Variants in ABLIM2 observed in about 807,000 individuals in gnomAD.
The protein encoded by ABLIM2 is actin-binding LIM protein 2.
In ABLIM2, 53 loss-of-function variants were observed where a neutral mutation model predicts 97.7. The ratio of observed to expected loss-of-function variants is 0.54; its 90% CI spans 0.44 to 0.68. The LOEUF is 0.68. Among genes scored for constraint, ABLIM2 ranks in the 30% least tolerant of loss-of-function variants. The probability of loss-of-function intolerance (pLI) is 0.00; values close to 1 mark genes in which losing one functional copy is unlikely to be tolerated. For missense variants in ABLIM2, 835 were observed against 867.2 expected, an observed-to-expected ratio of 0.96 and a Z score of 0.47; for synonymous variants, 361 against 345.8, an observed-to-expected ratio of 1.04 and a Z score of -0.49.
At chr4:8,051,016 C>T (rs913476971) in intron 8 of ABLIM2, among the ~76,000 whole-genome samples, 2 of 152,268 alleles carry the variant, frequency 1.3e-5, no homozygotes, top group Non-Finnish European at 2.9e-5. Context: ...GTGACCCCTG[C>T]CCGCTAGGCC....
rs1849180753 is a variant in ABLIM2 at position 8,130,309 on chromosome 4, C to CTT, written c.11-23673_11-23672insAA. Among the ~76,000 whole-genome samples, 3 of 152,200 alleles carry CTT rather than the reference C, an allele frequency of 2.0e-5. No homozygotes were observed. The highest frequency in any genetic ancestry group is 4.4e-5 in the Non-Finnish European group (3 of 68,034). On this transcript the variant is annotated intron_variant, in intron 1 of 20. Transcript: ENST00000447017. The surrounding 1 kb of genome is among the most constrained non-coding windows in gnomAD (Gnocchi z 4.2). The stretch of plus-strand genomic sequence containing the variant: ...GGATGGCCCATGCTGGGAAACATCA[C>CTT]GTTGCTTTGAGGCCATCATCTTAAG...
chr4:8,093,516 T>C (rs148362434), intron 3 of ABLIM2, among the ~76,000 whole-genome samples: 1 of 152,370 alleles, frequency 6.6e-6, no homozygotes, highest in East Asian at 1.9e-4. Flanking sequence ...GCTTTTAGCA[T>C]ATTCAGAGTT....
intron 2 of ABLIM2, among the ~76,000 whole-genome samples, chr4:8,101,079 G>A (rs557845946): frequency 1.3e-4 from 20 of 152,330 alleles, no homozygotes; most frequent in African/African-American, 4.3e-4. Context: ...CTGTCCACCC[G>A]CTGCTATTTT....
At position 8,145,745 on chromosome 4, in the gene ABLIM2, TACACACACACACACACACAC is replaced by T. The variant is rs34195989; in HGVS notation, c.10+12915_10+12934del. On this transcript the variant is annotated intron_variant, in intron 1 of 20. Transcript: ENST00000447017. ...AAATTATCCCCAGACTACACACTCATACACACACACACACACACACACACACACACACACACACACACACG... is the reference window on the plus strand; with the variant it reads ...AAATTATCCCCAGACTACACACTCATACACACACACACACACACACACACG... Among the ~76,000 whole-genome samples, 205 of 138,680 alleles carry T rather than the reference TACACACACACACACACACAC, an allele frequency of 1.5e-3. 1 individual carries two copies. Among genetic ancestry groups the T allele is most frequent in the African/African-American group, 5.1e-3 (192 of 37,468 alleles). 91.0% of individuals were successfully genotyped at this position (138,680 alleles called of 152,430 possible).
At chr4:7,980,633 T>G (rs1236208110) in intron 20 of ABLIM2, among the ~76,000 whole-genome samples, 1 of 151,504 alleles carries the variant, frequency 6.6e-6, no homozygotes, top group Non-Finnish European at 1.5e-5. Context: ...AAGAATCACT[T>G]GAGTCTGGGA....
chr4:8,069,356 C>T lies in ABLIM2; in HGVS notation c.675+8272G>A, dbSNP rs1225128771. 2.6e-5 allele frequency among the ~76,000 whole-genome samples: 4 copies of T among 152,228 alleles called. No individual in the cohort carries two copies. The highest frequency in any genetic ancestry group is 4.8e-5 in the African/African-American group (2 of 41,460). ...TTTGGGAAAGGCTAGGGCAGAATCCCGCCTGTGGATGTTCACACGCACTGC... is the reference window on the plus strand; with the variant it reads ...TTTGGGAAAGGCTAGGGCAGAATCCTGCCTGTGGATGTTCACACGCACTGC... On this transcript the variant is annotated intron_variant, in intron 6 of 20. Transcript: ENST00000447017. The surrounding 1 kb of genome is among the most constrained non-coding windows in gnomAD (Gnocchi z 4.2).
Position 7,983,301 on chromosome 4 carries a change from A to G in ABLIM2, c.1787T>C (p.Val596Ala), listed in dbSNP as rs374407006. Residue 596 changes from valine to alanine, a missense_variant, in exon 20 of 21, where the codon GTG becomes GCG. Val to Ala is a moderately conservative substitution (Grantham distance 64). Coordinates refer to ENST00000447017, the MANE Select transcript of ABLIM2 (RefSeq NM_001130083.2). ...DSLIVTNRIRVKLPKDVDRTR... is the reference protein window; with the variant it reads ...DSLIVTNRIRAKLPKDVDRTR... ...CCGGTCCACGTCTTTGGGCAGTTTC[A>G]CGCGAATTCGGTTTGTGACGATGAG... The G allele has an allele frequency of 6.8e-6, 11 of 1,612,466 alleles. No individual in the cohort carries two copies. Among genetic ancestry groups the G allele is most frequent in the African/African-American group, 1.3e-5 (1 of 74,876 alleles).
intron 20 of ABLIM2, among the ~76,000 whole-genome samples, chr4:7,980,185 C>A (rs1736866741): frequency 6.6e-6 from 1 of 152,136 alleles, no homozygotes; most frequent in African/African-American, 2.4e-5. Context: ...ACCTACAAAC[C>A]TAGTTCAGGC....
chr4:8,077,757 T>C, intron 5 of ABLIM2, 36 bp from the exon 6 acceptor site: 1 of 1,567,994 alleles, frequency 6.4e-7, no homozygotes. Context: ...AGGGCGGGTG[T>C]CGCCCGAGGA....
chr4:8,036,924 A>G (rs1386288872), intron 9 of ABLIM2, among the ~76,000 whole-genome samples: 1 of 152,084 alleles, frequency 6.6e-6, no homozygotes, highest in Non-Finnish European at 1.5e-5. Flanking sequence ...GATTGGCCCC[A>G]GGACCCTCCT....
intron 5 of ABLIM2, among the ~76,000 whole-genome samples, chr4:8,080,133 G>A (rs916926214): frequency 2.0e-5 from 3 of 152,230 alleles, no homozygotes; most frequent in Non-Finnish European, 2.9e-5. Flanking sequence ...CAGTGTGACT[G>A]CACATTTGTG....
intron 16 of ABLIM2, among the ~76,000 whole-genome samples, chr4:7,997,671 C>T (rs1245108922): frequency 1.3e-5 from 2 of 152,150 alleles, no homozygotes; most frequent in Non-Finnish European, 2.9e-5. Flanking sequence ...GTTCTAGACT[C>T]CAGGCCCGGG....
rs942248141 is a variant in ABLIM2, at chr4:8,044,058, G to T, written c.900+1106C>A. Among the ~76,000 whole-genome samples the T allele has an allele frequency of 1.3e-5, 2 of 152,214 alleles. No individual in the cohort carries two copies. Among genetic ancestry groups the T allele is most frequent in the Non-Finnish European group, 2.9e-5 (2 of 68,032 alleles). On this transcript the variant is annotated intron_variant, in intron 9 of 20. Transcript: ENST00000447017. This position sits in a 1 kb window ranked among gnomAD's most constrained non-coding sequence, Gnocchi z 4.4. ...GACTCGTGCACCCCTCAGTGGCACT[G>T]TCAGGATTAAGGTCAGGAAGGACCC...
chr4:8,077,492 A>C, intron 6 of ABLIM2, 136 bp downstream of exon 6: 2 of 856,514 alleles, frequency 2.3e-6, no homozygotes, highest in Non-Finnish European at 3.6e-6. Context: ...CCATTGGCTG[A>C]GCTGGCAGGA....
rs917808822 is a variant in ABLIM2 at position 8,003,039 on chromosome 4, C to A, written c.1618+5020G>T. Among the ~76,000 whole-genome samples, 2 of 152,200 alleles carry A rather than the reference C, an allele frequency of 1.3e-5. No homozygotes were observed. The highest frequency in any genetic ancestry group is 4.8e-5 in the African/African-American group (2 of 41,450). The stretch of plus-strand genomic sequence containing the variant: ...CCTAGTAGAATGTCGGCTCCCCAGA[C>A]AGGGAACTTTGTCTGTTTTGGCCTC... On this transcript the variant is annotated intron_variant, in intron 16 of 20. Transcript: ENST00000447017. This position sits in a 1 kb window ranked among gnomAD's most constrained non-coding sequence, Gnocchi z 4.2.
At chr4:7,980,454 C>T (rs1737116044) in intron 20 of ABLIM2, among the ~76,000 whole-genome samples, 1 of 152,130 alleles carries the variant, frequency 6.6e-6, no homozygotes, top group Non-Finnish European at 1.5e-5. Context: ...GTGGCTCACA[C>T]CTGTAATCCC....
At chr4:8,077,423 A>G (rs1216296637) in intron 6 of ABLIM2, among the ~76,000 whole-genome samples, 1 of 152,238 alleles carries the variant, frequency 6.6e-6, no homozygotes, top group Non-Finnish European at 1.5e-5. Context: ...AGAGCATCAC[A>G]AGGCAGGCTT....
rs915134289 is a variant in ABLIM2, at chr4:7,996,746, G to A, written c.1619-3819C>T. Among the ~76,000 whole-genome samples, 4 of 152,146 alleles carry A rather than the reference G, an allele frequency of 2.6e-5. No homozygotes were observed. Among genetic ancestry groups the A allele is most frequent in the African/African-American group, 9.7e-5 (4 of 41,424 alleles). ...AAGATTCCTTACGGGTAGCTCTGCA[G>A]GATATCTCACTGAACACAGGATTCA... On this transcript the variant is annotated intron_variant, in intron 16 of 20. Coordinates refer to ENST00000447017, the MANE Select transcript of ABLIM2 (RefSeq NM_001130083.2). The surrounding 1 kb of genome is among the most constrained non-coding windows in gnomAD (Gnocchi z 4.5).
rs1343451262 is a variant in ABLIM2 at position 7,974,662 on chromosome 4, TATCCATCCACCCATCCATCCACCAACCC to T, written c.1825-7587_1825-7560del. ...GCATCCATCCACCCACCTACCCACC[TATCCATCCACCCATCCATCCACCAACCC>T]ATCCATCCACCCACCCATGCATCTA... On this transcript the variant is annotated intron_variant, in intron 20 of 20. Coordinates refer to ENST00000447017, the MANE Select transcript of ABLIM2 (RefSeq NM_001130083.2). Among the ~76,000 whole-genome samples, 3 of 123,840 alleles carry T rather than the reference TATCCATCCACCCATCCATCCACCAACCC, an allele frequency of 2.4e-5. No individual in the cohort carries two copies. The East Asian group carries it at 7.6e-4, about 31-fold the overall frequency. The allele number at this position is 123,840 out of a possible 152,430, so 81.2% of individuals were successfully genotyped here.
Sources: gnomAD v4.1 joint callset for allele counts (sites outside exome capture counted in the v4.1 genomes callset) on GRCh38, gnomAD v4.1.1 for gene constraint, Gnocchi (gnomAD v3.1) non-coding constraint, MANE v1.5 for transcripts, NCBI Gene and HGNC (gene_info 2026-07-23, HGNC 2026-07-21) for gene names.